The following INSYN2B variants were observed in gnomAD, a reference collection of about 807,000 sequenced individuals.
INSYN2B encodes the protein protein INSYN2B.
Under a neutral mutation model 41.2 loss-of-function variants are expected in INSYN2B, and 16 were observed. That is an observed-to-expected ratio of 0.39 (90% confidence interval 0.26 to 0.59). The LOEUF is 0.59. Among genes scored for constraint, INSYN2B ranks in the 20% least tolerant of loss-of-function variants. The pLI, the probability that INSYN2B is intolerant of heterozygous loss-of-function variation, is 0.57. For missense variants in INSYN2B, 608 were observed against 646.4 expected (o/e 0.94, Z 0.64); for synonymous variants, 245 against 244.4 (o/e 1.00, Z -0.02).
rs187015434 is a variant in INSYN2B at position 169,877,391 on chromosome 5, C to G, written c.1421+3977G>C. Among the ~76,000 whole-genome samples the G allele has an allele frequency of 1.8e-3, 279 of 152,228 alleles. 1 individual carries two copies. Among genetic ancestry groups the G allele is most frequent in the African/African-American group, 6.1e-3 (252 of 41,542 alleles). ...ACGTTCAAGTGACAAATGATGAGAG[C>G]CTTTTCTGAACCTGCGGCAGAGGAA... On this transcript the variant is annotated intron_variant, in intron 3 of 3. Transcript: ENST00000377365.
At position 169,929,861 on chromosome 5, in the gene INSYN2B, C is replaced by G. The variant is rs575952832; in HGVS notation, c.-918-45045G>C. On this transcript the variant is annotated intron_variant, in intron 1 of 3. Coordinates refer to ENST00000377365, the MANE Select transcript of INSYN2B (RefSeq NM_001129891.3). ...GAGGATAGAAATCTTGTTTTGTGCT[C>G]CTTGTTTTGTGCTCCAATATGGTAG... Among the ~76,000 whole-genome samples, 6 of 152,080 alleles carry G rather than the reference C, an allele frequency of 3.9e-5. No individual in the cohort carries two copies. The East Asian group carries it at 1.2e-3, about 29-fold the overall frequency.
At chr5:169,922,858 G>A (rs1775246012) in intron 1 of INSYN2B, among the ~76,000 whole-genome samples, 1 of 152,106 alleles carries the variant, frequency 6.6e-6, no homozygotes, top group Non-Finnish European at 1.5e-5. Context: ...TCTTTGAAAG[G>A]GAGCTTGAAA....
intron 1 of INSYN2B, among the ~76,000 whole-genome samples, chr5:169,932,776 A>G (rs1240069189): frequency 6.6e-6 from 1 of 152,134 alleles, no homozygotes; most frequent in Non-Finnish European, 1.5e-5. Flanking sequence ...ATATACAAAC[A>G]CTCACCTATG....
rs115906125 is a variant in INSYN2B at position 169,905,905 on chromosome 5, C to A, written c.-918-21089G>T. Among the ~76,000 whole-genome samples, 612 of 152,312 alleles carry A rather than the reference C, an allele frequency of 4.0e-3. 3 individuals are homozygous for A. The highest frequency in any genetic ancestry group is 0.017 in the South Asian group (80 of 4,824). ...ATTCATTCACAGTCAAGCTGATTTC[C>A]TAAAAACAGCTGTCTTGAACCTGAC... On this transcript the variant is annotated intron_variant, in intron 1 of 3. Transcript: ENST00000377365.
intron 1 of INSYN2B, among the ~76,000 whole-genome samples, chr5:169,906,665 A>G (rs940582305): frequency 1.3e-5 from 2 of 152,106 alleles, no homozygotes; most frequent in African/African-American, 4.8e-5. Context: ...AATTACCTTG[A>G]TGAAAGTCAC....
At chr5:169,976,652 G>A (rs1259491858) in intron 1 of INSYN2B, among the ~76,000 whole-genome samples, 1 of 152,020 alleles carries the variant, frequency 6.6e-6, no homozygotes, top group African/African-American at 2.4e-5. Context: ...CTCCAACCAG[G>A]ATCAGAAGGT....
At chr5:169,901,416 A>AGGGT (rs1448360597) in intron 1 of INSYN2B, among the ~76,000 whole-genome samples, 1 of 152,002 alleles carries the variant, frequency 6.6e-6, no homozygotes, top group Non-Finnish European at 1.5e-5. Context: ...AGGTTTACGA[A>AGGGT]GGGTGTGTGT....
At chr5:169,895,422 T>C (rs1194636597) in intron 1 of INSYN2B, among the ~76,000 whole-genome samples, 2 of 152,198 alleles carry the variant, frequency 1.3e-5, no homozygotes, top group South Asian at 4.2e-4. Context: ...TGGAGAACTT[T>C]CCTGGAGATC....
At chr5:169,973,268 A>G (rs1461875316) in intron 1 of INSYN2B, among the ~76,000 whole-genome samples, 1 of 152,124 alleles carries the variant, frequency 6.6e-6, no homozygotes, top group Non-Finnish European at 1.5e-5. Context: ...CTCACCCACA[A>G]TGCAGCTGCC....
chr5:169,887,624 A>T (rs1445632224), intron 1 of INSYN2B, among the ~76,000 whole-genome samples: 1 of 152,214 alleles, frequency 6.6e-6, no homozygotes, highest in East Asian at 1.9e-4. Flanking sequence ...TTTAAATAGT[A>T]TTTTTGTGGA....
In INSYN2B at chr5:169,883,910, G is replaced by A; in HGVS notation, c.-12C>T. 1 of 1,493,280 alleles carries A rather than the reference G, an allele frequency of 6.7e-7. No individual in the cohort carries two copies. The highest frequency in any genetic ancestry group is 8.9e-7 in the Non-Finnish European group (1 of 1,117,360). 92.5% of individuals were successfully genotyped at this position (1,493,280 alleles called of 1,614,324 possible). A position where few individuals can be genotyped will look rare whatever the true frequency, so the allele number is the denominator to read the frequency against. On this transcript the variant is annotated 5_prime_UTR_variant, in exon 2 of 4. Coordinates refer to ENST00000377365, the MANE Select transcript of INSYN2B (RefSeq NM_001129891.3). ...TTTTGCTGGGCCATTGAGCCTCAGT[G>A]GGAAGGATCAGGACCATACACTTCT...
chr5:169,888,788 G>A (rs2113530278), intron 1 of INSYN2B, among the ~76,000 whole-genome samples: 1 of 152,332 alleles, frequency 6.6e-6, no homozygotes, highest in African/African-American at 2.4e-5. Context: ...GATAGTCAGT[G>A]TTCACTCTTC....
intron 1 of INSYN2B, among the ~76,000 whole-genome samples, chr5:169,921,389 A>G (rs775702669): frequency 7.9e-4 from 121 of 152,210 alleles, no homozygotes; most frequent in Admixed American, 3.2e-3. Context: ...TCTTCCAGAA[A>G]AATCGATGAG....
At chr5:169,908,018 T>C (rs1415915349) in intron 1 of INSYN2B, among the ~76,000 whole-genome samples, 1 of 152,252 alleles carries the variant, frequency 6.6e-6, no homozygotes, top group Non-Finnish European at 1.5e-5. Context: ...TCTCTTGCTC[T>C]GCCTTCATCT....
chr5:169,864,513 A>G, intron 3 of INSYN2B, 54 bp from the exon 4 acceptor site: 1 of 1,338,634 alleles, frequency 7.5e-7, no homozygotes, highest in Non-Finnish European at 1.0e-6. Context: ...GCACAGACTG[A>G]TTAAGCATCT....
rs564567647 is a variant in INSYN2B at position 169,954,957 on chromosome 5, A to C, written c.-919+25320T>G. On this transcript the variant is annotated intron_variant, in intron 1 of 3. Transcript: ENST00000377365. ...GTTAAAACCTAGCAGGGGCATTAGG[A>C]ATCAATCGCAGACTGTGCCTCCTGT... 3.4e-4 allele frequency among the ~76,000 whole-genome samples: 52 copies of C among 152,314 alleles called. 1 individual carries two copies. The highest frequency in any genetic ancestry group is 2.5e-3 in the East Asian group (13 of 5,180).
At chr5:169,954,772 G>A (rs1303845347) in intron 1 of INSYN2B, among the ~76,000 whole-genome samples, 2 of 152,168 alleles carry the variant, frequency 1.3e-5, no homozygotes, top group Non-Finnish European at 2.9e-5. Context: ...CAAAACCCAG[G>A]GGAGTGACCT....
At chr5:169,868,859 C>T (rs184751079) in intron 3 of INSYN2B, among the ~76,000 whole-genome samples, 2 of 152,290 alleles carry the variant, frequency 1.3e-5, no homozygotes, top group Non-Finnish European at 2.9e-5. Context: ...GAAACTTTAT[C>T]TCACCATCAC....
chr5:169,898,625 A>C (rs1057405032), intron 1 of INSYN2B, among the ~76,000 whole-genome samples: 3 of 152,216 alleles, frequency 2.0e-5, no homozygotes, highest in African/African-American at 7.2e-5. Context: ...CATAGTGTCT[A>C]TCTTATCTAC....
Sources: gnomAD v4.1 joint callset for allele counts (sites outside exome capture counted in the v4.1 genomes callset) on GRCh38, gnomAD v4.1.1 for gene constraint, MANE v1.5 for transcripts, NCBI Gene and HGNC (gene_info 2026-07-23, HGNC 2026-07-21) for gene names.